PAK5: variants seen among roughly 807,000 people sequenced by gnomAD.
PAK5 encodes p21 (RAC1) activated kinase 5.
In PAK5, 16 loss-of-function variants were observed where a neutral mutation model predicts 65.9. That is an observed-to-expected ratio of 0.24 (90% confidence interval 0.16 to 0.37). The LOEUF (loss-of-function observed/expected upper bound fraction) is 0.37, where lower values mean the gene tolerates loss of function less well. Ranked by LOEUF, PAK5 falls within the 10% of genes least tolerant of loss-of-function variation. PAK5 has a pLI of 1.00. For missense variants in PAK5, 785 were observed against 903.9 expected (o/e 0.87, Z 1.69); for synonymous variants, 371 against 354.9 (o/e 1.05, Z -0.51).
intron 1 of PAK5, among the ~76,000 whole-genome samples, chr20:9,825,726 G>C (rs748744804): frequency 7.9e-5 from 12 of 151,974 alleles, no homozygotes; most frequent in Non-Finnish European, 1.3e-4. Flanking sequence ...ATTCATACCA[G>C]CATAAAGTCT....
chr20:9,651,201 T>C (rs759621207), intron 2 of PAK5, among the ~76,000 whole-genome samples: 1 of 152,200 alleles, frequency 6.6e-6, no homozygotes, highest in Non-Finnish European at 1.5e-5. Context: ...CAGTATCCTA[T>C]GATAAATGGG....
intron 4 of PAK5, among the ~76,000 whole-genome samples, chr20:9,570,216 A>C (rs2045754569): frequency 6.6e-6 from 1 of 152,168 alleles, no homozygotes; most frequent in Admixed American, 6.5e-5. Flanking sequence ...TTATTATATA[A>C]AATGCTTAGC....
At chr20:9,815,729 C>T (rs1037691960) in intron 1 of PAK5, among the ~76,000 whole-genome samples, 7 of 152,094 alleles carry the variant, frequency 4.6e-5, no homozygotes, top group African/African-American at 1.7e-4. Context: ...TGGGATTGTT[C>T]CTTTCTTCTG....
intron 3 of PAK5, among the ~76,000 whole-genome samples, chr20:9,614,145 T>C (rs1322408983): frequency 1.3e-5 from 2 of 151,932 alleles, no homozygotes; most frequent in Admixed American, 6.6e-5. Flanking sequence ...AATAGAGAGA[T>C]CAAAGTTCTA....
At chr20:9,709,810 T>TAC (rs1452992757) in intron 2 of PAK5, among the ~76,000 whole-genome samples, 1 of 152,136 alleles carries the variant, frequency 6.6e-6, no homozygotes, top group Non-Finnish European at 1.5e-5. Context: ...GACTTGAGGG[T>TAC]TGTCCACCCT....
chr20:9,733,387 CTCTT>C (rs138872634), intron 1 of PAK5, among the ~76,000 whole-genome samples: 2,237 of 150,658 alleles, frequency 0.015, 43 homozygotes, highest in African/African-American at 0.046. Context: ...TTACCAATCT[CTCTT>C]TCTTTCTTTC....
intron 1 of PAK5, among the ~76,000 whole-genome samples, chr20:9,728,433 T>C (rs2048300278): frequency 6.6e-6 from 1 of 152,188 alleles, no homozygotes; most frequent in Non-Finnish European, 1.5e-5. Flanking sequence ...GAAATATACA[T>C]ATGTGTACTA....
In PAK5 at chr20:9,609,123, T is replaced by C. The variant is rs931925302; in HGVS notation, c.205-28193A>G. Among the ~76,000 whole-genome samples the C allele has an allele frequency of 2.3e-5, 3 of 128,002 alleles. No individual in the cohort carries two copies. In the South Asian group the frequency reaches 9.0e-4, roughly 38 times the overall value. 84.0% of individuals were successfully genotyped at this position (128,002 alleles called of 152,430 possible). Reference sequence around the variant, plus strand: ...CACCTGGGCTTTGTGTAACAAGGCATTGGCAACCACATGATGCTGGGTGGG... The same window carrying C: ...CACCTGGGCTTTGTGTAACAAGGCACTGGCAACCACATGATGCTGGGTGGG... On this transcript the variant is annotated intron_variant, in intron 3 of 9. Coordinates refer to ENST00000353224, the MANE Select transcript of PAK5 (RefSeq NM_177990.4).
chr20:9,596,724 A>G (rs1412194591), intron 3 of PAK5, among the ~76,000 whole-genome samples: 1 of 151,734 alleles, frequency 6.6e-6, no homozygotes, highest in Non-Finnish European at 1.5e-5. Flanking sequence ...TGCACCCAAG[A>G]GCAAATACTT....
chr20:9,742,706 C>T (rs1409939917), intron 1 of PAK5, among the ~76,000 whole-genome samples: 2 of 152,158 alleles, frequency 1.3e-5, no homozygotes, highest in East Asian at 1.9e-4. Context: ...TATCTACATA[C>T]TTGATCTCCA....
chr20:9,665,119 T>G (rs1345311822), intron 2 of PAK5, among the ~76,000 whole-genome samples: 1 of 133,168 alleles, frequency 7.5e-6, no homozygotes, highest in Non-Finnish European at 1.6e-5. Flanking sequence ...GAAGTTTCCC[T>G]GTGTTGCCTA....
chr20:9,657,715 T>C (rs2047288100), intron 2 of PAK5, among the ~76,000 whole-genome samples: 1 of 152,204 alleles, frequency 6.6e-6, no homozygotes, highest in Admixed American at 6.5e-5. Flanking sequence ...GATATTGGGT[T>C]GGGAATGCTT....
chr20:9,775,790 G>C (rs1214378292), intron 1 of PAK5, among the ~76,000 whole-genome samples: 4 of 152,132 alleles, frequency 2.6e-5, no homozygotes, highest in Non-Finnish European at 5.9e-5. Flanking sequence ...TACCTCTTAT[G>C]CTAAGGAATC....
chr20:9,799,114 T>C (rs1214477995), intron 1 of PAK5, among the ~76,000 whole-genome samples: 1 of 152,188 alleles, frequency 6.6e-6, no homozygotes, highest in Non-Finnish European at 1.5e-5. Flanking sequence ...TATAGATATC[T>C]ATCTCAGCCA....
chr20:9,705,857 T>A (rs1446463693), intron 2 of PAK5, among the ~76,000 whole-genome samples: 1 of 152,140 alleles, frequency 6.6e-6, no homozygotes, highest in African/African-American at 2.4e-5. Flanking sequence ...GCTGTGAAAA[T>A]GAACTACAAA....
At chr20:9,736,766 T>C (rs2048393890) in intron 1 of PAK5, among the ~76,000 whole-genome samples, 1 of 152,216 alleles carries the variant, frequency 6.6e-6, no homozygotes, top group Admixed American at 6.5e-5. Flanking sequence ...TGGCTTTGTC[T>C]GTTCAGAGAA....
chr20:9,740,674 T>C (rs1308737733), intron 1 of PAK5, among the ~76,000 whole-genome samples: 1 of 152,200 alleles, frequency 6.6e-6, no homozygotes, highest in East Asian at 1.9e-4. Context: ...ACAGAGCAGA[T>C]TCGAGTTGCC....
At chr20:9,805,055 A>G (rs925028774) in intron 1 of PAK5, among the ~76,000 whole-genome samples, 4 of 152,196 alleles carry the variant, frequency 2.6e-5, no homozygotes, top group Admixed American at 2.6e-4. Flanking sequence ...CAATTTAAAA[A>G]TGGACACAGA....
chr20:9,805,576 G>A (rs1036992700), intron 1 of PAK5, among the ~76,000 whole-genome samples: 25 of 152,098 alleles, frequency 1.6e-4, no homozygotes, highest in African/African-American at 6.0e-4. Flanking sequence ...TGCTGCAAAT[G>A]GATGGACTTT....
Sources: allele counts gnomAD v4.1 joint callset (sites outside exome capture counted in the v4.1 genomes callset), GRCh38; gene constraint gnomAD v4.1.1; transcripts MANE v1.5; gene names NCBI Gene and HGNC (gene_info 2026-07-23, HGNC 2026-07-21).